The following SWT1 variants were observed in gnomAD, a reference collection of about 807,000 sequenced individuals.
SWT1 encodes the protein SWT1 RNA endoribonuclease homolog.
In SWT1, 33 loss-of-function variants were observed where a neutral mutation model predicts 107.3. The ratio of observed to expected loss-of-function variants is 0.31; its 90% CI spans 0.23 to 0.41. The LOEUF (loss-of-function observed/expected upper bound fraction) is 0.41. SWT1 is among the 10% of genes least tolerant of loss of function. The pLI is 1.00. For missense variants in SWT1, 898 were observed against 1,028.9 expected, an observed-to-expected ratio of 0.87 and a Z score of 1.74; for synonymous variants, 345 against 348.3, an observed-to-expected ratio of 0.99 and a Z score of 0.11.
At chr1:185,233,778 C>G (rs1226712439) in intron 16 of SWT1, among the ~76,000 whole-genome samples, 6 of 152,138 alleles carry the variant, frequency 3.9e-5, no homozygotes, top group Non-Finnish European at 8.8e-5. Context: ...GAGTCTTGCT[C>G]TGTCGCCCAG....
At position 185,257,561 on chromosome 1, in the gene SWT1, C is replaced by G. The variant is rs1019102762; in HGVS notation, c.2442-13762C>G. On this transcript the variant is annotated intron_variant, in intron 16 of 18. Coordinates refer to ENST00000367500, the MANE Select transcript of SWT1 (RefSeq NM_017673.7). ...CCGATTTTCCAGGCGCGTCTGTCAC[C>G]CCTTTCTTTGACTCGGAAAGGGAAC... 1.7e-4 allele frequency among the ~76,000 whole-genome samples: 26 copies of G among 152,330 alleles called. No individual in the cohort carries two copies. The East Asian group carries it at 4.4e-3, about 26-fold the overall frequency.
chr1:185,185,375 A>G (rs1197342075), intron 9 of SWT1, among the ~76,000 whole-genome samples: 1 of 151,946 alleles, frequency 6.6e-6, no homozygotes, highest in East Asian at 1.9e-4. Context: ...TAGTGTATAG[A>G]TTTTCCCCTC....
chr1:185,282,650 A>G (rs1260058693), intron 18 of SWT1, among the ~76,000 whole-genome samples: 1 of 152,038 alleles, frequency 6.6e-6, no homozygotes. Context: ...AGAGGTGACA[A>G]ACTGTTACTT....
chr1:185,287,229 A>T (rs1260516516), intron 18 of SWT1, among the ~76,000 whole-genome samples: 1 of 152,184 alleles, frequency 6.6e-6, no homozygotes, highest in Non-Finnish European at 1.5e-5. Flanking sequence ...AACTGTGTGG[A>T]ATTATTTTTA....
chr1:185,212,803 CA>C (rs71555460), intron 13 of SWT1, among the ~76,000 whole-genome samples: 84 of 130,340 alleles, frequency 6.4e-4, no homozygotes, highest in South Asian at 5.0e-3. Flanking sequence ...AACTCTGTCT[CA>C]AAAAAAAAAA....
At chr1:185,183,680 A>G (rs1324354978) in intron 7 of SWT1, among the ~76,000 whole-genome samples, 3 of 152,222 alleles carry the variant, frequency 2.0e-5, no homozygotes, top group Non-Finnish European at 4.4e-5. Context: ...CCGGTGATCC[A>G]TGACAGAAGT....
chr1:185,248,775 C>CAAAAAAAAAAAAAAAAAAAAA (rs371891305), intron 16 of SWT1, among the ~76,000 whole-genome samples: 1 of 117,842 alleles, frequency 8.5e-6, no homozygotes, highest in Non-Finnish European at 1.9e-5. Context: ...ACGACTAAGC[C>CAAAAAAAAAAAAAAAAAAAAA]AAAAAAAAAA....
intron 3 of SWT1, among the ~76,000 whole-genome samples, chr1:185,167,998 T>C (rs967975940): frequency 6.6e-6 from 1 of 152,224 alleles, no homozygotes; most frequent in African/African-American, 2.4e-5. Flanking sequence ...AGCTCTAAGC[T>C]CTTTAGGACA....
chr1:185,246,050 G>A (rs755614917), intron 16 of SWT1, among the ~76,000 whole-genome samples: 3 of 151,996 alleles, frequency 2.0e-5, no homozygotes, highest in African/African-American at 4.8e-5. Context: ...TTACAGGTGT[G>A]AGCCACCGCA....
intron 9 of SWT1, among the ~76,000 whole-genome samples, chr1:185,188,021 G>A (rs1348832505): frequency 1.3e-5 from 2 of 152,100 alleles, no homozygotes; most frequent in Non-Finnish European, 2.9e-5. Flanking sequence ...TAAATACATG[G>A]TACTTTTAAG....
intron 16 of SWT1, among the ~76,000 whole-genome samples, chr1:185,269,218 G>A (rs1420187889): frequency 3.9e-5 from 6 of 152,006 alleles, no homozygotes; most frequent in African/African-American, 1.4e-4. Flanking sequence ...CCTTTCTAAA[G>A]GATTGGTTTA....
At chr1:185,275,234 G>A (rs1056274028) in intron 17 of SWT1, among the ~76,000 whole-genome samples, 3 of 151,898 alleles carry the variant, frequency 2.0e-5, no homozygotes, top group East Asian at 1.9e-4. Context: ...TTGGTGGCCC[G>A]TGTTCTGATA....
At chr1:185,170,129 A>G (rs757196496) in intron 4 of SWT1, among the ~76,000 whole-genome samples, 24 of 152,216 alleles carry the variant, frequency 1.6e-4, no homozygotes, top group South Asian at 2.1e-4. Context: ...TGAACATTCA[A>G]TTTTCAGCTT....
chr1:185,192,288 C>T (rs1262427235), intron 10 of SWT1, among the ~76,000 whole-genome samples: 1 of 152,098 alleles, frequency 6.6e-6, no homozygotes, highest in Non-Finnish European at 1.5e-5. Context: ...CTATCATCTC[C>T]ATAAATGAAC....
chr1:185,226,960 T>C, intron 15 of SWT1: 1 of 940,670 alleles, frequency 1.1e-6, no homozygotes, highest in Non-Finnish European at 1.7e-6. Flanking sequence ...TTCTTTTGTA[T>C]AGCAGCATGA....
chr1:185,241,022 C>A (rs1661221587), intron 16 of SWT1, among the ~76,000 whole-genome samples: 1 of 151,952 alleles, frequency 6.6e-6, no homozygotes, highest in African/African-American at 2.4e-5. Context: ...ATTAACTTCG[C>A]CTCTTTGACT....
intron 10 of SWT1, among the ~76,000 whole-genome samples, chr1:185,194,620 T>C (rs1286372675): frequency 6.6e-6 from 1 of 152,144 alleles, no homozygotes; most frequent in East Asian, 1.9e-4. Flanking sequence ...TTGGGTACTT[T>C]CTTTTGACTT....
rs757035990 is a variant in SWT1 at position 185,231,643 on chromosome 1, A to T, written c.2376A>T (p.Glu792Asp). ...CTACTTCAAATATAGCATCATTTGA[A>T]GAAGCATTTATATGTCTTCAAAAGT... is the stretch of plus-strand genomic sequence containing the variant. ...ALTTSNIASFEEAFICLQKLM... is the reference protein window; with the variant it reads ...ALTTSNIASFDEAFICLQKLM... The change falls in exon 16 of 19, where the codon GAA becomes GAT. Residue 792 changes from glutamate to aspartate, a missense_variant. By Grantham distance (45) the Glu-to-Asp change is conservative. Coordinates refer to ENST00000367500, the MANE Select transcript of SWT1 (RefSeq NM_017673.7). 3.1e-6 allele frequency: 5 copies of T among 1,608,928 alleles called. No homozygotes were observed. Among genetic ancestry groups the T allele is most frequent in the Non-Finnish European group, 4.3e-6 (5 of 1,175,686 alleles).
intron 15 of SWT1, among the ~76,000 whole-genome samples, chr1:185,230,259 G>T (rs1660413864): frequency 2.0e-5 from 3 of 152,190 alleles, no homozygotes; most frequent in South Asian, 2.1e-4. Context: ...TACAGCTGCT[G>T]TAGCAAAGTA....
Sources: allele counts gnomAD v4.1 joint callset (sites outside exome capture counted in the v4.1 genomes callset), GRCh38; gene constraint gnomAD v4.1.1; transcripts MANE v1.5; gene names NCBI Gene and HGNC (gene_info 2026-07-23, HGNC 2026-07-21).